RNF128: variants seen among roughly 807,000 people sequenced by gnomAD.
RNF128 encodes E3 ubiquitin-protein ligase RNF128.
In RNF128, 13 loss-of-function variants were observed where a neutral mutation model predicts 26.2. The ratio of observed to expected loss-of-function variants is 0.50; its 90% CI spans 0.32 to 0.79. The LOEUF is 0.79. RNF128 is among the 30% of genes least tolerant of loss of function. The pLI, the probability that RNF128 is intolerant of heterozygous loss-of-function variation, is 0.03. For missense variants in RNF128, 315 were observed against 349.7 expected, an observed-to-expected ratio of 0.90 and a Z score of 0.79; for synonymous variants, 149 against 142.5, an observed-to-expected ratio of 1.05 and a Z score of -0.32.
intron 1 of RNF128, among the ~76,000 whole-genome samples, chrX:106,770,243 G>C (rs967080803): frequency 9.0e-6 from 1 of 111,109 alleles, no homozygotes; most frequent in African/African-American, 3.3e-5. Flanking sequence ...TCTTCTCAAG[G>C]AGTATCTTTG....
chrX:106,752,388 A>G (rs964062756), intron 1 of RNF128, among the ~76,000 whole-genome samples: 6 of 112,507 alleles, frequency 5.3e-5, no homozygotes, highest in Non-Finnish European at 1.1e-4. Context: ...AGGGAAGAGA[A>G]CAACACATTC....
chrX:106,705,729 T>C (rs1179259623), intron 1 of RNF128, among the ~76,000 whole-genome samples: 2 of 112,004 alleles, frequency 1.8e-5, no homozygotes, highest in African/African-American at 6.5e-5. Flanking sequence ...TCAGTTAACT[T>C]ATGTATAGCA....
At chrX:106,781,753 T>G (rs1254973903) in intron 2 of RNF128, among the ~76,000 whole-genome samples, 1 of 112,416 alleles carries the variant, frequency 8.9e-6, no homozygotes, top group Non-Finnish European at 1.9e-5. Context: ...AAGGCTGCTT[T>G]GTTAAACATT....
intron 1 of RNF128, among the ~76,000 whole-genome samples, chrX:106,698,971 A>G (rs1928912290): frequency 9.0e-6 from 1 of 110,955 alleles, no homozygotes; most frequent in African/African-American, 3.3e-5. Flanking sequence ...ACAGCCTGAA[A>G]GTAACCCCTG....
chrX:106,766,932 A>G (rs1930260753), intron 1 of RNF128, among the ~76,000 whole-genome samples: 1 of 111,663 alleles, frequency 9.0e-6, no homozygotes, highest in Middle Eastern at 4.2e-3. Context: ...CTTTCTATAT[A>G]TGGCTAGCCA....
At chrX:106,744,054 G>A (rs1279831790) in intron 1 of RNF128, among the ~76,000 whole-genome samples, 1 of 107,330 alleles carries the variant, frequency 9.3e-6, no homozygotes. Context: ...ATTGAACAAT[G>A]AGAACACTTG....
chrX:106,765,859 A>AACCC (rs1556331537), intron 1 of RNF128, among the ~76,000 whole-genome samples: 1 of 107,444 alleles, frequency 9.3e-6, no homozygotes, highest in East Asian at 2.9e-4. Flanking sequence ...TCCTAATGCT[A>AACCC]TCCCCCCCAG....
Position 106,755,271 on chromosome X carries a change from C to A in RNF128, c.485-17642C>A, listed in dbSNP as rs765018123. The stretch of plus-strand genomic sequence containing the variant: ...TGAGAAGAAAGCCATGACAAATAGT[C>A]CCCCAGTAAAGAAAAACCTGGAACC... On this transcript the variant is annotated intron_variant, in intron 1 of 6. Transcript: ENST00000255499. Among the ~76,000 whole-genome samples the A allele has an allele frequency of 1.7e-4, 19 of 111,340 alleles. No homozygotes were observed. The South Asian group carries it at 7.2e-3, about 42-fold the overall frequency.
chrX:106,726,784 G>GTAGCTCGCAGGAA lies in RNF128; in HGVS notation c.-120_-119insGAATAGCTCGCAG. ...ACGCTACGTGCCTCCTGGCTCCGAC[G>GTAGCTCGCAGGAA]TAGCTCGCAGCTCCCCAGTCTCACT... On this transcript the variant is annotated 5_prime_UTR_variant, in exon 1 of 7. Coordinates refer to ENST00000255499, the MANE Select transcript of RNF128 (RefSeq NM_194463.2). 2.8e-6 allele frequency: 3 copies of GTAGCTCGCAGGAA among 1,067,911 alleles called. No homozygotes were observed. The highest frequency in any genetic ancestry group is 3.6e-6 in the Non-Finnish European group (3 of 832,266). The allele number at this position is 1,067,911 out of a possible 1,213,427, so 88.0% of individuals were successfully genotyped here. A position where few individuals can be genotyped will look rare whatever the true frequency, so the allele number is the denominator to read the frequency against.
intron 6 of RNF128, among the ~76,000 whole-genome samples, chrX:106,794,018 T>C (rs1402174385): frequency 2.7e-5 from 3 of 111,718 alleles, no homozygotes; most frequent in Non-Finnish European, 3.8e-5. Context: ...CTTTTAGCAA[T>C]CATTGATGCT....
At chrX:106,709,751 G>A (rs924278642) in intron 1 of RNF128, among the ~76,000 whole-genome samples, 8 of 111,115 alleles carry the variant, frequency 7.2e-5, no homozygotes, top group African/African-American at 2.6e-4. Context: ...TCTCCATGTT[G>A]GTCAGGCTGA....
intron 1 of RNF128, among the ~76,000 whole-genome samples, chrX:106,770,666 T>C: frequency 9.0e-6 from 1 of 111,294 alleles, no homozygotes; most frequent in African/African-American, 3.3e-5. Flanking sequence ...TTTTTCAAGG[T>C]TTTTACTTCT....
chrX:106,737,992 A>G (rs1472350949), intron 1 of RNF128, among the ~76,000 whole-genome samples: 2 of 112,153 alleles, frequency 1.8e-5, no homozygotes, highest in Admixed American at 9.5e-5. Context: ...AGACAAAAGA[A>G]TTGACTTACT....
At chrX:106,701,070 C>T (rs899350291) in intron 1 of RNF128, among the ~76,000 whole-genome samples, 3 of 111,732 alleles carry the variant, frequency 2.7e-5, no homozygotes, top group African/African-American at 9.7e-5. Flanking sequence ...CTATTGTTGA[C>T]CTTGCATCTG....
intron 1 of RNF128, among the ~76,000 whole-genome samples, chrX:106,752,993 G>C (rs1929926012): frequency 9.0e-6 from 1 of 111,371 alleles, no homozygotes; most frequent in Admixed American, 9.6e-5. Flanking sequence ...TTGAAGAGGG[G>C]CTGTTTGAAA....
At chrX:106,755,743 G>A (rs1458539693) in intron 1 of RNF128, among the ~76,000 whole-genome samples, 1 of 111,297 alleles carries the variant, frequency 9.0e-6, no homozygotes, top group Non-Finnish European at 1.9e-5. Flanking sequence ...AGGGCAATTA[G>A]GCAGGAGAAG....
chrX:106,729,863 G>A (rs1245456055), intron 1 of RNF128, among the ~76,000 whole-genome samples: 2 of 112,260 alleles, frequency 1.8e-5, no homozygotes, highest in South Asian at 7.4e-4. Flanking sequence ...ATTCCTCAGA[G>A]TAAGCCTAGG....
chrX:106,750,288 TA>T, intron 1 of RNF128, among the ~76,000 whole-genome samples: 1 of 112,346 alleles, frequency 8.9e-6, no homozygotes, highest in Middle Eastern at 4.6e-3. Context: ...TGTGCCTATT[TA>T]ATTTTCACTT....
At position 106,727,307 on chromosome X, in the gene RNF128, A is replaced by C; in HGVS notation, c.394A>C (p.Ile132Leu). ...CGGGGGCTGCACCTTCGCAGACAAG[A>C]TCCATCTGGCTTATGAGAGAGGGGC... ...RGGGCTFADK[I>L]HLAYERGASG... is the part of the protein sequence containing the mutation. The change falls in exon 1 of 7, where the codon ATC (isoleucine) becomes CTC (leucine). Residue 132 changes from isoleucine to leucine, a missense_variant. Physicochemically the swap from Ile to Leu is conservative, Grantham distance 5. Transcript: ENST00000255499. 6.6e-6 allele frequency: 8 copies of C among 1,211,276 alleles called. No individual in the cohort carries two copies. Among genetic ancestry groups the C allele is most frequent in the Non-Finnish European group, 8.9e-6 (8 of 895,334 alleles).
Sources: gnomAD v4.1 joint callset for allele counts (sites outside exome capture counted in the v4.1 genomes callset) on GRCh38, gnomAD v4.1.1 for gene constraint, MANE v1.5 for transcripts, NCBI Gene and HGNC (gene_info 2026-07-23, HGNC 2026-07-21) for gene names.